The following TAF9B variants were observed in gnomAD, a reference collection of about 807,000 sequenced individuals.
The protein encoded by TAF9B is transcription initiation factor TFIID subunit 9B.
TAF9B carries 47 observed loss-of-function variants against 17.6 expected under a neutral mutation model. The observed-to-expected ratio is 2.68, with a 90% CI of 2.12 to 3.41. TAF9B has a LOEUF of 3.41. TAF9B is among the 30% of genes most tolerant of loss of function. The probability of loss-of-function intolerance (pLI) is 0.00; values close to 1 mark genes in which losing one functional copy is unlikely to be tolerated. For synonymous variants in TAF9B, 84 were observed against 68.7 expected (o/e 1.22, Z -1.10); for missense variants, 218 against 189.3 (o/e 1.15, Z -0.89).
rs1569550981 is a variant in TAF9B, at chrX:78,131,379, CAACAT to C, written c.*226_*230del. The C allele has an allele frequency of 3.7e-6, 1 of 273,193 alleles. No individual in the cohort carries two copies. The highest frequency in any genetic ancestry group is 6.4e-6 in the Non-Finnish European group (1 of 156,754). The allele number at this position is 273,193 out of a possible 1,213,427, so 22.5% of individuals were successfully genotyped here. A position where few individuals can be genotyped will look rare whatever the true frequency, so the allele number is the denominator to read the frequency against. Reference sequence around the variant, plus strand: ...AAAACAGAATTGCCATATTAGGACTCAACATTAATGAAACTATTAAGAAACAAGTA... The same window carrying C: ...AAAACAGAATTGCCATATTAGGACTCTAATGAAACTATTAAGAAACAAGTA... On this transcript the variant is annotated 3_prime_UTR_variant, in exon 7 of 7. Transcript: ENST00000341864.
At chrX:78,137,290 G>C (rs946382703) in intron 4 of TAF9B, among the ~76,000 whole-genome samples, 3 of 111,909 alleles carry the variant, frequency 2.7e-5, no homozygotes, top group African/African-American at 9.7e-5. Flanking sequence ...AATCTTAACT[G>C]GTCAATTTCT....
Position 78,135,110 on chromosome X carries a change from G to A in TAF9B, c.482-1662C>T, listed in dbSNP as rs977452029. 2.9e-5 allele frequency among the ~76,000 whole-genome samples: 3 copies of A among 105,061 alleles called. 1 individual carries two copies. The highest frequency in any genetic ancestry group is 2.0e-4 in the Admixed American group (2 of 9,817). The allele number at this position is 105,061 out of a possible 115,157, so 91.2% of individuals were successfully genotyped here. A position where few individuals can be genotyped will look rare whatever the true frequency, so the allele number is the denominator to read the frequency against. ...TGGGATTACAGGCACCCGCCACCAT[G>A]CCTGGCTAATTTTTGTATTTTTAGT... On this transcript the variant is annotated intron_variant, in intron 5 of 6. Transcript: ENST00000341864.
chrX:78,137,313 G>T (rs1225359157), intron 4 of TAF9B, among the ~76,000 whole-genome samples: 1 of 112,082 alleles, frequency 8.9e-6, no homozygotes, highest in Non-Finnish European at 1.9e-5. Flanking sequence ...ACCCAAAAAA[G>T]AATAAAACTC....
At chrX:78,139,439 G>T in intron 1 of TAF9B, 122 bp downstream of exon 1, 1 of 1,029,663 alleles carries the variant, frequency 9.7e-7, no homozygotes, top group Non-Finnish European at 1.3e-6. Flanking sequence ...CTCTCCTCCT[G>T]ACGGCCCTGA....
chrX:78,133,277 CA>C, intron 6 of TAF9B, 60 bp downstream of exon 6: 2 of 969,385 alleles, frequency 2.1e-6, no homozygotes, highest in Non-Finnish European at 2.9e-6. Flanking sequence ...TATAGGAATA[CA>C]AACGGTCCTA....
At position 78,138,903 on chromosome X, in the gene TAF9B, C is replaced by T. The variant is rs781893699; in HGVS notation, c.73G>A (p.Asp25Asn). The T allele has an allele frequency of 8.3e-7, 1 of 1,203,409 alleles. No individual in the cohort carries two copies. The highest frequency in any genetic ancestry group is 1.7e-5 in the African/African-American group (1 of 57,191). The change falls in exon 2 of 7, where the codon GAT (aspartate) becomes AAT (asparagine). Residue 25 changes from aspartate to asparagine, a missense_variant. Asp to Asn is a conservative substitution (Grantham distance 23). Transcript: ENST00000341864. ...GGTTCATACTCTGTGATTCCCATAT[C>T]CTTCAGGATCTGTGCCATCACCTGT... ...DALVMAQILK[D>N]MGITEYEPRV...
In TAF9B at chrX:78,139,031, C is replaced by T. The variant is rs1334240954; in HGVS notation, c.52-107G>A. 7.9e-5 allele frequency: 47 copies of T among 596,779 alleles called. No homozygotes were observed. The East Asian group carries it at 1.6e-3, about 21-fold the overall frequency. 49.2% of individuals were successfully genotyped at this position (596,779 alleles called of 1,213,427 possible). ...TGATACAAGGTTCCCCTTCTTTGGG[C>T]TCCAAAGTCCTACTCACCCTTGCCC... On this transcript the variant is annotated intron_variant, in intron 1 of 6. Transcript: ENST00000341864.
chrX:78,131,670 G>T lies in TAF9B; in HGVS notation c.696C>A (p.Ala232=). Residue 232 remains alanine (A), a synonymous_variant, in exon 7 of 7, where the codon GCC becomes GCA. Transcript: ENST00000341864. ...TTCTCTTCAGTGGGTTTGCTTCATT[G>T]GCTGTGTTCTGTGACGAAACCATGT... is the stretch of plus-strand genomic sequence containing the variant. ...TTNMVSSQNT[A]NEANPLKRKH... 1 of 1,210,053 alleles carries T rather than the reference G, an allele frequency of 8.3e-7. No individual in the cohort carries two copies.
chrX:78,136,655 G>A (rs1348701434), intron 5 of TAF9B, among the ~76,000 whole-genome samples: 1 of 111,646 alleles, frequency 9.0e-6, no homozygotes, highest in Admixed American at 9.5e-5. Context: ...TCCTGTTTTT[G>A]GTATCAGAGT....
rs782680061 is a variant in TAF9B at position 78,134,589 on chromosome X, G to C, written c.482-1141C>G. Among the ~76,000 whole-genome samples the C allele has an allele frequency of 1.3e-4, 15 of 111,277 alleles. 1 individual carries two copies. The highest frequency in any genetic ancestry group is 1.2e-3 in the Admixed American group (13 of 10,444). The stretch of plus-strand genomic sequence containing the variant: ...ATTATCATCATTTCTAGAGACAAAG[G>C]TGAAGAAAGTCTAAGGGAATAAAGC... On this transcript the variant is annotated intron_variant, in intron 5 of 6. Transcript: ENST00000341864.
chrX:78,133,155 T>C (rs2078420838), intron 6 of TAF9B, among the ~76,000 whole-genome samples, 183 bp downstream of exon 6: 1 of 111,905 alleles, frequency 8.9e-6, no homozygotes, highest in Admixed American at 9.5e-5. Context: ...GGGAGACTAC[T>C]TTATGTAAAA....
At chrX:78,139,070 A>G in intron 1 of TAF9B, 146 bp from the exon 2 acceptor site, 2 of 430,649 alleles carry the variant, frequency 4.6e-6, no homozygotes, top group Non-Finnish European at 7.8e-6. Flanking sequence ...CAAGTGAGTC[A>G]GTGATCACAC....
rs569869340 is a variant in TAF9B, at chrX:78,134,955, AT to A, written c.482-1508del. Among the ~76,000 whole-genome samples, 190 of 95,686 alleles carry A rather than the reference AT, an allele frequency of 2.0e-3. 1 individual carries two copies. The highest frequency in any genetic ancestry group is 5.3e-3 in the Middle Eastern group (1 of 190). The allele number at this position is 95,686 out of a possible 115,157, so 83.1% of individuals were successfully genotyped here. ...TCTTAAGTCTATATAAATCATTTTAATTTTTTTTTTTTTTTGAGACAGAGTC... is the reference window on the plus strand; with the variant it reads ...TCTTAAGTCTATATAAATCATTTTAATTTTTTTTTTTTTTGAGACAGAGTC... On this transcript the variant is annotated intron_variant, in intron 5 of 6. Transcript: ENST00000341864.
chrX:78,138,838 C>A lies in TAF9B; in HGVS notation c.133+5G>T, dbSNP rs376680633. Reference sequence around the variant, plus strand: ...AGGCAAGTTTTTGGTGTTTCATTAACTTACGGAAAGCAAATTCCAACATTT... The same window carrying A: ...AGGCAAGTTTTTGGTGTTTCATTAAATTACGGAAAGCAAATTCCAACATTT... On this transcript the variant is annotated splice_donor_5th_base_variant and intron_variant, in intron 2 of 6. Transcript: ENST00000341864. 8.4e-7 allele frequency: 1 copy of A among 1,188,607 alleles called. No individual in the cohort carries two copies. The highest frequency in any genetic ancestry group is 1.7e-5 in the African/African-American group (1 of 57,161).
At chrX:78,139,499 C>T (rs1326338335) in intron 1 of TAF9B, 62 bp downstream of exon 1, 8 of 1,200,821 alleles carry the variant, frequency 6.7e-6, no homozygotes, top group African/African-American at 5.2e-5. Context: ...CAGCGTGGCC[C>T]CGCCTCGCAG....
rs781949819 is a variant in TAF9B, at chrX:78,139,627, G to C, written c.-16C>G. On this transcript the variant is annotated 5_prime_UTR_variant, in exon 1 of 7. Coordinates refer to ENST00000341864, the MANE Select transcript of TAF9B (RefSeq NM_015975.5). ...CCGACTCCATGTTATCCAGCCACTC[G>C]TCATCCGCGGAGACAGAGGAGAGAG... 6.6e-6 allele frequency: 8 copies of C among 1,209,759 alleles called. No individual in the cohort carries two copies. Among genetic ancestry groups the C allele is most frequent in the Non-Finnish European group, 8.9e-6 (8 of 894,624 alleles).
At position 78,129,875 on chromosome X, in the gene TAF9B, A is replaced by G. The variant is rs1458800764; in HGVS notation, c.*1735T>C. On this transcript the variant is annotated 3_prime_UTR_variant, in exon 7 of 7. Transcript: ENST00000341864. The stretch of plus-strand genomic sequence containing the variant: ...CTCACAACAGCCCTGTGAGGTAGGC[A>G]GGGTAGGTGTTACTTTCCTACTGCT... 1 of 112,252 alleles carries G rather than the reference A, an allele frequency of 8.9e-6. No individual in the cohort carries two copies. The highest frequency in any genetic ancestry group is 3.2e-5 in the African/African-American group (1 of 30,777). The allele number at this position is 112,252 out of a possible 1,213,427, so 9.3% of individuals were successfully genotyped here.
rs1557249357 is a variant in TAF9B, at chrX:78,130,871, A to G, written c.*739T>C. 8.9e-6 allele frequency: 1 copy of G among 112,329 alleles called. No individual in the cohort carries two copies. Among genetic ancestry groups the G allele is most frequent in the Non-Finnish European group, 1.9e-5 (1 of 53,279 alleles). 9.3% of individuals were successfully genotyped at this position (112,329 alleles called of 1,213,427 possible). On this transcript the variant is annotated 3_prime_UTR_variant, in exon 7 of 7. Transcript: ENST00000341864. Reference sequence around the variant, plus strand: ...CTGACATAAGAGTGAAAAACAGCAAATGCAAACCATCAGGTTAAAGTGAAT... The same window carrying G: ...CTGACATAAGAGTGAAAAACAGCAAGTGCAAACCATCAGGTTAAAGTGAAT...
At chrX:78,134,721 A>G (rs1451246529) in intron 5 of TAF9B, among the ~76,000 whole-genome samples, 1 of 112,014 alleles carries the variant, frequency 8.9e-6, no homozygotes, top group Non-Finnish European at 1.9e-5. Context: ...CCCATGTGTT[A>G]AGGATCAGTT....
Sources: allele counts gnomAD v4.1 joint callset (sites outside exome capture counted in the v4.1 genomes callset), GRCh38; gene constraint gnomAD v4.1.1; transcripts MANE v1.5; gene names NCBI Gene and HGNC (gene_info 2026-07-23, HGNC 2026-07-21).